RRAS2: variants seen among roughly 807,000 people sequenced by gnomAD.
RRAS2 encodes the protein ras-related protein R-Ras2.
A neutral mutation model predicts 27.6 loss-of-function variants in RRAS2; 7 were observed. The observed-to-expected ratio is 0.25, with a 90% CI of 0.14 to 0.48. The LOEUF is 0.48. Among genes scored for constraint, RRAS2 ranks in the 20% least tolerant of loss-of-function variants. The pLI is 0.99. For synonymous variants in RRAS2, 86 were observed against 90.9 expected, an observed-to-expected ratio of 0.95 and a Z score of 0.31; for missense variants, 178 against 256.2, an observed-to-expected ratio of 0.69 and a Z score of 2.08.
chr11:14,288,414 T>C (rs1451825817), intron 4 of RRAS2, among the ~76,000 whole-genome samples: 1 of 152,174 alleles, frequency 6.6e-6, no homozygotes, highest in African/African-American at 2.4e-5. Flanking sequence ...TTTAACTAAG[T>C]AGAAATAGCA....
At chr11:14,292,465 T>C (rs1847425718) in intron 4 of RRAS2, among the ~76,000 whole-genome samples, 2 of 152,104 alleles carry the variant, frequency 1.3e-5, no homozygotes, top group African/African-American at 2.4e-5. Flanking sequence ...ATTTCCCAGA[T>C]GCAATGACAT....
intron 1 of RRAS2, among the ~76,000 whole-genome samples, chr11:14,356,181 T>C (rs1407722933): frequency 6.6e-6 from 1 of 152,140 alleles, no homozygotes; most frequent in African/African-American, 2.4e-5. Flanking sequence ...TGCATCCAGG[T>C]GGTCGGGTTC....
intron 4 of RRAS2, among the ~76,000 whole-genome samples, chr11:14,288,741 C>T (rs980462782): frequency 1.3e-5 from 2 of 152,152 alleles, no homozygotes; most frequent in South Asian, 4.1e-4. Flanking sequence ...ACACAGGTAG[C>T]AGCAGCAGTT....
At chr11:14,306,041 T>TC (rs1469809880) in intron 1 of RRAS2, among the ~76,000 whole-genome samples, 1 of 151,500 alleles carries the variant, frequency 6.6e-6, no homozygotes, top group Non-Finnish European at 1.5e-5. Context: ...TGAGATCCTA[T>TC]CCCCCACCGC....
chr11:14,287,571 T>C (rs553266789), intron 4 of RRAS2, among the ~76,000 whole-genome samples: 43 of 152,246 alleles, frequency 2.8e-4, no homozygotes, highest in African/African-American at 9.9e-4. Flanking sequence ...CCTATCCTTA[T>C]ATAGGGTAAA....
chr11:14,328,195 C>T (rs1848405704), intron 1 of RRAS2, among the ~76,000 whole-genome samples: 1 of 151,792 alleles, frequency 6.6e-6, no homozygotes, highest in East Asian at 1.9e-4. Flanking sequence ...TGGAGAAACC[C>T]ATCTCTACTA....
At chr11:14,284,042 G>C (rs1849606249) in intron 4 of RRAS2, among the ~76,000 whole-genome samples, 2 of 151,762 alleles carry the variant, frequency 1.3e-5, no homozygotes, top group South Asian at 4.2e-4. Flanking sequence ...CATTTCATTG[G>C]TCTTCATTCT....
At chr11:14,344,832 T>C (rs950259215) in intron 1 of RRAS2, among the ~76,000 whole-genome samples, 8 of 152,138 alleles carry the variant, frequency 5.3e-5, no homozygotes, top group African/African-American at 1.9e-4. Flanking sequence ...AGATTCAACG[T>C]GTATATGCCA....
chr11:14,294,364 A>C, intron 4 of RRAS2, 107 bp downstream of exon 4: 1 of 620,894 alleles, frequency 1.6e-6, no homozygotes, highest in Non-Finnish European at 2.5e-6. Flanking sequence ...AGTGGCATGG[A>C]GCACCGTATT....
intron 1 of RRAS2, among the ~76,000 whole-genome samples, chr11:14,329,022 TA>T (rs1848429321): frequency 6.7e-6 from 1 of 148,510 alleles, no homozygotes. Flanking sequence ...TATATATATA[TA>T]TATATACACA....
At chr11:14,356,190 T>C (rs1554955394) in intron 1 of RRAS2, among the ~76,000 whole-genome samples, 1 of 152,102 alleles carries the variant, frequency 6.6e-6, no homozygotes, top group East Asian at 1.9e-4. Flanking sequence ...GTGGTCGGGT[T>C]CCTGTCTCTC....
chr11:14,319,390 C>T (rs1024000354), intron 1 of RRAS2, among the ~76,000 whole-genome samples: 2 of 112,204 alleles, frequency 1.8e-5, no homozygotes, highest in Admixed American at 2.8e-4. Context: ...CTCGCTCTGT[C>T]GCCCAGGCCG....
chr11:14,329,011 GTATA>G (rs199601519), intron 1 of RRAS2, among the ~76,000 whole-genome samples: 68,422 of 137,472 alleles, frequency 0.5, 17,180 homozygotes, highest in Admixed American at 0.56. Flanking sequence ...GTGTGTGTGT[GTATA>G]TATATATATA....
intron 4 of RRAS2, among the ~76,000 whole-genome samples, chr11:14,292,888 A>AGGAGAT: frequency 2.0e-5 from 3 of 151,916 alleles, no homozygotes; most frequent in Admixed American, 2.0e-4. Context: ...TGGGTGGATC[A>AGGAGAT]CAAGTTCAGG....
At chr11:14,332,212 T>C (rs1412711517) in intron 1 of RRAS2, among the ~76,000 whole-genome samples, 1 of 152,214 alleles carries the variant, frequency 6.6e-6, no homozygotes, top group African/African-American at 2.4e-5. Context: ...AACAATGACT[T>C]GTACATCAAT....
intron 1 of RRAS2, among the ~76,000 whole-genome samples, chr11:14,315,994 C>T (rs1848093267): frequency 6.6e-6 from 1 of 151,824 alleles, no homozygotes; most frequent in Non-Finnish European, 1.5e-5. Flanking sequence ...AACCACAGAG[C>T]TATTAAAAAC....
intron 1 of RRAS2, among the ~76,000 whole-genome samples, chr11:14,345,152 A>G (rs1848803463): frequency 6.6e-6 from 1 of 151,834 alleles, no homozygotes; most frequent in African/African-American, 2.4e-5. Flanking sequence ...ATGCCCAGCT[A>G]ATTTTGTATT....
At chr11:14,299,281 C>T (rs782356030) in intron 1 of RRAS2, among the ~76,000 whole-genome samples, 8 of 152,178 alleles carry the variant, frequency 5.3e-5, no homozygotes, top group Non-Finnish European at 7.3e-5. Flanking sequence ...ACCAACCACA[C>T]GACCTCTGGG....
rs534391933 is a variant in RRAS2, at chr11:14,364,477, C to T, written c.-210G>A. 195 of 1,277,394 alleles carry T rather than the reference C, an allele frequency of 1.5e-4. No homozygotes were observed. In the African/African-American group the frequency reaches 1.7e-3, roughly 11 times the overall value. The allele number at this position is 1,277,394 out of a possible 1,614,324, so 79.1% of individuals were successfully genotyped here. On this transcript the variant is annotated 5_prime_UTR_variant, in exon 1 of 6. Coordinates refer to the RRAS2 transcript ENST00000529237. ...ATGAATGGCTGGCAGAGAATGAAAC[C>T]GCCCAGCAGGAGCTGCATGCATCTG...
Sources: gnomAD v4.1 joint callset for allele counts (sites outside exome capture counted in the v4.1 genomes callset) on GRCh38, gnomAD v4.1.1 for gene constraint, MANE v1.5 for transcripts, NCBI Gene and HGNC (gene_info 2026-07-23, HGNC 2026-07-21) for gene names.